Variants in TBC1D4 observed in about 807,000 individuals in gnomAD.
TBC1D4 encodes TBC (Tre-2, BUB2, CDC16) domain-containing protein.
Under a neutral mutation model 142.5 loss-of-function variants are expected in TBC1D4, and 121 were observed. That is an observed-to-expected ratio of 0.85 (90% CI 0.73 to 0.99). TBC1D4 has a LOEUF of 0.99. Among genes scored for constraint, TBC1D4 ranks in the 50% least tolerant of loss-of-function variants. The pLI is 0.00. For missense variants in TBC1D4, 1,475 were observed against 1,606.6 expected (o/e 0.92, Z 1.40); for synonymous variants, 630 against 628.2 (o/e 1.00, Z -0.04).
intron 1 of TBC1D4, among the ~76,000 whole-genome samples, chr13:75,454,720 A>C (rs1304664226): frequency 6.6e-6 from 1 of 152,226 alleles, no homozygotes; most frequent in African/African-American, 2.4e-5. Context: ...ATGTTAGTAC[A>C]GGATGTCTGG....
intron 1 of TBC1D4, among the ~76,000 whole-genome samples, chr13:75,473,168 T>C (rs1888488036): frequency 6.6e-6 from 1 of 151,414 alleles, no homozygotes; most frequent in African/African-American, 2.5e-5. Flanking sequence ...TGGCTAATTT[T>C]TGCTATTTTT....
chr13:75,339,735 C>T (rs1054270983), intron 7 of TBC1D4, among the ~76,000 whole-genome samples: 8 of 129,446 alleles, frequency 6.2e-5, no homozygotes, highest in Admixed American at 2.2e-4. Flanking sequence ...ACCACCACAC[C>T]GGCTAATTGT....
At chr13:75,456,210 T>C (rs1333454105) in intron 1 of TBC1D4, among the ~76,000 whole-genome samples, 2 of 152,126 alleles carry the variant, frequency 1.3e-5, no homozygotes, top group African/African-American at 2.4e-5. Context: ...ATAAATCTGG[T>C]TCACTACAAA....
intron 1 of TBC1D4, among the ~76,000 whole-genome samples, chr13:75,444,330 T>C (rs1026397190): frequency 2.0e-5 from 3 of 152,140 alleles, no homozygotes; most frequent in African/African-American, 7.2e-5. Flanking sequence ...TCTTGTTTTG[T>C]TGCCCAGACT....
At position 75,356,399 on chromosome 13, in the gene TBC1D4, A is replaced by G. The variant is rs1882052046; in HGVS notation, c.1171-148T>C. Reference sequence around the variant, plus strand: ...GAAGGGGGGACATAATGCCATAGCAAACTCATGCAGTGGCCTGTTGATACA... The same window carrying G: ...GAAGGGGGGACATAATGCCATAGCAGACTCATGCAGTGGCCTGTTGATACA... On this transcript the variant is annotated intron_variant, in intron 3 of 20. Transcript: ENST00000377636. 7.1e-6 allele frequency: 5 copies of G among 702,012 alleles called. No homozygotes were observed. In the Admixed American group the frequency reaches 1.0e-4, roughly 14 times the overall value. 43.5% of individuals were successfully genotyped at this position (702,012 alleles called of 1,614,324 possible).
intron 1 of TBC1D4, among the ~76,000 whole-genome samples, chr13:75,436,037 G>A (rs572552776): frequency 2.0e-5 from 3 of 152,116 alleles, no homozygotes; most frequent in Non-Finnish European, 2.9e-5. Flanking sequence ...TAATCCCCAC[G>A]TGTCATGGGA....
intron 15 of TBC1D4, chr13:75,302,683 G>A (rs1876699928): frequency 6.3e-6 from 3 of 474,584 alleles, no homozygotes; most frequent in Non-Finnish European, 1.2e-5. Context: ...TTTATTGAGG[G>A]TGCCTAGCTA....
At chr13:75,401,505 G>A (rs949658444) in intron 1 of TBC1D4, among the ~76,000 whole-genome samples, 1 of 152,134 alleles carries the variant, frequency 6.6e-6, no homozygotes, top group African/African-American at 2.4e-5. Context: ...AAGCACAGAG[G>A]ACTTCACCTT....
chr13:75,351,594 G>A (rs1042091251), intron 4 of TBC1D4, among the ~76,000 whole-genome samples: 3 of 105,960 alleles, frequency 2.8e-5, no homozygotes, highest in Non-Finnish European at 5.3e-5. Context: ...AATAGTCCCC[G>A]GTGTGTGATG....
chr13:75,423,775 A>G (rs1008380311), intron 1 of TBC1D4, among the ~76,000 whole-genome samples: 10 of 152,216 alleles, frequency 6.6e-5, no homozygotes, highest in Non-Finnish European at 1.5e-5. Flanking sequence ...TTTATATTAC[A>G]GGTTTTATTC....
chr13:75,410,541 A>G (rs920137755), intron 1 of TBC1D4, among the ~76,000 whole-genome samples: 2 of 152,218 alleles, frequency 1.3e-5, no homozygotes, highest in Non-Finnish European at 2.9e-5. Flanking sequence ...ACCACACTAC[A>G]TGATGTGCAG....
In TBC1D4 at chr13:75,362,506, C is replaced by T; in HGVS notation, c.600G>A (p.Gln200=). The T allele has an allele frequency of 6.2e-7, 1 of 1,614,216 alleles. No homozygotes were observed. Residue 200 remains glutamine, a synonymous_variant, in exon 2 of 21, where the codon CAG becomes CAA. Coordinates refer to ENST00000377636, the MANE Select transcript of TBC1D4 (RefSeq NM_014832.5). The surrounding 1 kb of genome is among the most constrained non-coding windows in gnomAD (Gnocchi z 4.2). ...KDNEDAFYNS[Q]KFEVLYCGKV... ...TTCCACAGTACAGGACTTCGAACTT[C>T]TGAGAGTTGTAAAAGGCGTCCTCAT...
chr13:75,330,972 G>T (rs1879695760), intron 8 of TBC1D4, among the ~76,000 whole-genome samples: 1 of 152,182 alleles, frequency 6.6e-6, no homozygotes, highest in Non-Finnish European at 1.5e-5. Flanking sequence ...AGACAAAGTA[G>T]TCAGATGGGT....
rs1298527179 is a variant in TBC1D4 at position 75,326,419 on chromosome 13, T to C, written c.1811A>G (p.Tyr604Cys). Residue 604 changes from tyrosine to cysteine, a missense_variant, in exon 10 of 21, where the codon TAC (tyrosine) becomes TGC (cysteine). Physicochemically the swap from Tyr to Cys is radical, Grantham distance 194. Transcript: ENST00000377636. ...RSNSLASEKDYSPGDSPPGTP... is the reference protein window; with the variant it reads ...RSNSLASEKDCSPGDSPPGTP... ...CCCTGGTGGAGAATCCCCTGGTGAG[T>C]AGTCCTGAAACACAAGCGGAAGGGA... 6.2e-6 allele frequency: 10 copies of C among 1,613,918 alleles called. No individual in the cohort carries two copies. The highest frequency in any genetic ancestry group is 8.5e-6 in the Non-Finnish European group (10 of 1,179,980).
intron 1 of TBC1D4, among the ~76,000 whole-genome samples, chr13:75,404,378 T>A (rs1885234927): frequency 6.6e-6 from 1 of 152,230 alleles, no homozygotes; most frequent in Non-Finnish European, 1.5e-5. Context: ...ATGTCCTTTT[T>A]CTGTTTCAGA....
chr13:75,405,865 G>A (rs1050115577), intron 1 of TBC1D4, among the ~76,000 whole-genome samples: 3 of 152,180 alleles, frequency 2.0e-5, no homozygotes, highest in Non-Finnish European at 4.4e-5. Context: ...TTCTAGCATG[G>A]TGAACCAAGA....
chr13:75,314,107 G>A (rs1193992761), intron 12 of TBC1D4, among the ~76,000 whole-genome samples: 5 of 152,052 alleles, frequency 3.3e-5, no homozygotes, highest in Admixed American at 1.3e-4. Context: ...AAAAAAGGTC[G>A]GTATGACTCA....
At position 75,287,035 on chromosome 13, in the gene TBC1D4, G is replaced by T. The variant is rs771258581; in HGVS notation, c.3664-10C>A. The T allele has an allele frequency of 1.9e-6, 3 of 1,598,974 alleles. No individual in the cohort carries two copies. The Admixed American group carries it at 5.0e-5, about 27-fold the overall frequency. ...TTTTAGTATGAGCTACCTGTTTGGG[G>T]GGGAAAAAATCCTCCAAATCAAATG... On this transcript the variant is annotated splice_polypyrimidine_tract_variant and intron_variant, in intron 20 of 20. Coordinates refer to ENST00000377636, the MANE Select transcript of TBC1D4 (RefSeq NM_014832.5).
At chr13:75,355,326 T>G (rs182567916) in intron 4 of TBC1D4, among the ~76,000 whole-genome samples, 57 of 152,294 alleles carry the variant, frequency 3.7e-4, no homozygotes, top group African/African-American at 1.3e-3. Flanking sequence ...TCTAAAGGGT[T>G]GTGTTAAAAT....
Sources: allele counts gnomAD v4.1 joint callset (sites outside exome capture counted in the v4.1 genomes callset), GRCh38; gene constraint gnomAD v4.1.1; non-coding constraint Gnocchi (gnomAD v3.1); transcripts MANE v1.5; gene names NCBI Gene and HGNC (gene_info 2026-07-23, HGNC 2026-07-21).